The following NSG2 variants were observed in gnomAD, a reference collection of about 807,000 sequenced individuals.
The protein encoded by NSG2 is neuronal vesicle trafficking-associated protein 2.
A neutral mutation model predicts 16.9 loss-of-function variants in NSG2; 4 were observed. That is an observed-to-expected ratio of 0.24 (90% CI 0.12 to 0.54). The LOEUF (loss-of-function observed/expected upper bound fraction) is 0.54, where lower values mean the gene tolerates loss of function less well. NSG2 is among the 20% of genes least tolerant of loss of function. The pLI, the probability that NSG2 is intolerant of heterozygous loss-of-function variation, is 0.95. For missense variants in NSG2, 179 were observed against 221.1 expected (o/e 0.81, Z 1.21); for synonymous variants, 98 against 88.7 (o/e 1.11, Z -0.59).
intron 2 of NSG2, among the ~76,000 whole-genome samples, chr5:174,049,391 G>A (rs1390651418): frequency 6.6e-6 from 1 of 152,012 alleles, no homozygotes; most frequent in Non-Finnish European, 1.5e-5. Flanking sequence ...AGAGAATAGC[G>A]TCACCATTTT....
In NSG2 at chr5:174,092,579, T is replaced by A. The variant is rs532888011; in HGVS notation, c.214-11649T>A. 2.6e-5 allele frequency among the ~76,000 whole-genome samples: 4 copies of A among 152,352 alleles called. No homozygotes were observed. The East Asian group carries it at 7.7e-4, about 29-fold the overall frequency. On this transcript the variant is annotated intron_variant, in intron 3 of 4. Coordinates refer to ENST00000303177, the MANE Select transcript of NSG2 (RefSeq NM_015980.5). ...CAGTGGCTTCGTGCTGAGGCGATAG[T>A]CGAACCAAATTCATAAATCCTGCAT...
chr5:174,069,150 G>A (rs1349706220), intron 3 of NSG2, among the ~76,000 whole-genome samples: 1 of 151,764 alleles, frequency 6.6e-6, no homozygotes, highest in African/African-American at 2.4e-5. Context: ...TGGTGTGATG[G>A]TGATCTTGCT....
intron 2 of NSG2, among the ~76,000 whole-genome samples, chr5:174,054,974 T>G (rs2113423079): frequency 6.6e-6 from 1 of 152,356 alleles, no homozygotes; most frequent in East Asian, 1.9e-4. Context: ...AGCAAATGTT[T>G]ATCATAGTGT....
At chr5:174,050,409 T>G (rs1415103129) in intron 2 of NSG2, among the ~76,000 whole-genome samples, 1 of 152,166 alleles carries the variant, frequency 6.6e-6, no homozygotes, top group Non-Finnish European at 1.5e-5. Context: ...GGGAGGGGAC[T>G]ATGCAGGGCA....
At chr5:174,060,373 A>T (rs969358052) in intron 2 of NSG2, among the ~76,000 whole-genome samples, 2 of 147,854 alleles carry the variant, frequency 1.4e-5, no homozygotes, top group South Asian at 2.1e-4. Context: ...ACTTCTTAAT[A>T]TTTTTTTTTT....
intron 2 of NSG2, among the ~76,000 whole-genome samples, chr5:174,051,209 G>A (rs1033746660): frequency 5.3e-5 from 8 of 152,122 alleles, no homozygotes; most frequent in African/African-American, 1.9e-4. Flanking sequence ...CAGGAATGGT[G>A]CTAAATATCC....
rs370205703 is a variant in NSG2, at chr5:174,097,540, T to G, written c.214-6688T>G. ...GTCTCTGTATGTGTGTAACTATATG[T>G]GTGTGTCTGTATGTCTCTGTGTGTG... On this transcript the variant is annotated intron_variant, in intron 3 of 4. Transcript: ENST00000303177. Among the ~76,000 whole-genome samples, 7 of 150,464 alleles carry G rather than the reference T, an allele frequency of 4.7e-5. No homozygotes were observed. In the East Asian group the frequency reaches 1.4e-3, roughly 30 times the overall value.
At chr5:174,100,552 C>T (rs538591816) in intron 3 of NSG2, among the ~76,000 whole-genome samples, 6 of 152,244 alleles carry the variant, frequency 3.9e-5, no homozygotes, top group Admixed American at 3.3e-4. Context: ...TCAGCATTTC[C>T]GAGCTCCTCA....
At chr5:174,075,504 T>C (rs1760323786) in intron 3 of NSG2, among the ~76,000 whole-genome samples, 1 of 152,232 alleles carries the variant, frequency 6.6e-6, no homozygotes, top group Admixed American at 6.5e-5. Context: ...TAGGTTAATT[T>C]TGCGTTGGCT....
intron 3 of NSG2, among the ~76,000 whole-genome samples, chr5:174,098,418 C>T (rs1231944552): frequency 5.5e-5 from 8 of 144,818 alleles, no homozygotes; most frequent in Admixed American, 5.3e-4. Context: ...TGCTTTCCTT[C>T]CAGCCTCACC....
rs1371267052 is a variant in NSG2, at chr5:174,108,932, C to T, written c.*1427C>T. The stretch of plus-strand genomic sequence containing the variant: ...GCTGGGTAATAAGACTAGCATAGCT[C>T]AAACTATCCTGCCAAACGCTCTCAT... On this transcript the variant is annotated 3_prime_UTR_variant, in exon 5 of 5. Transcript: ENST00000303177. The T allele has an allele frequency of 1.3e-5, 2 of 152,766 alleles. No individual in the cohort carries two copies. The highest frequency in any genetic ancestry group is 4.8e-5 in the African/African-American group (2 of 41,440). 9.5% of individuals were successfully genotyped at this position (152,766 alleles called of 1,614,324 possible). A position where few individuals can be genotyped will look rare whatever the true frequency, so the allele number is the denominator to read the frequency against.
Position 174,072,064 on chromosome 5 carries a change from G to A in NSG2, c.213+7749G>A, listed in dbSNP as rs1288949921. 6.6e-6 allele frequency among the ~76,000 whole-genome samples: 1 copy of A among 152,168 alleles called. No homozygotes were observed. Among genetic ancestry groups the A allele is most frequent in the Non-Finnish European group, 1.5e-5 (1 of 68,014 alleles). On this transcript the variant is annotated intron_variant, in intron 3 of 4. Coordinates refer to ENST00000303177, the MANE Select transcript of NSG2 (RefSeq NM_015980.5). This position sits in a 1 kb window ranked among gnomAD's most constrained non-coding sequence, Gnocchi z 4.0. ...GAAACCAGCCTCCTCAGTGCTGGCC[G>A]CTGCACCTAGCAGCCATAGAGCCAG...
chr5:174,089,542 G>T (rs1264710200), intron 3 of NSG2, among the ~76,000 whole-genome samples: 2 of 152,026 alleles, frequency 1.3e-5, no homozygotes, highest in African/African-American at 4.8e-5. Flanking sequence ...GATACCCCAG[G>T]CTTCTCCGTG....
intron 3 of NSG2, among the ~76,000 whole-genome samples, chr5:174,098,069 A>T (rs190690746): frequency 1.2e-3 from 181 of 152,090 alleles, no homozygotes; most frequent in Non-Finnish European, 2.2e-3. Context: ...ATGGAGGAGG[A>T]ACTGGAGCAG....
Position 174,107,654 on chromosome 5 carries a change from CG to C in NSG2, c.*150del. The C allele has an allele frequency of 1.3e-6, 1 of 795,560 alleles. No homozygotes were observed. The highest frequency in any genetic ancestry group is 2.1e-6 in the Non-Finnish European group (1 of 470,326). 49.3% of individuals were successfully genotyped at this position (795,560 alleles called of 1,614,324 possible). ...GGTGGGGGGAAGAACGCACCAAAAA[CG>C]TGGTGTGTGCTGGAGTTGTCTGAAC... On this transcript the variant is annotated 3_prime_UTR_variant, in exon 5 of 5. Transcript: ENST00000303177. This position sits in a 1 kb window ranked among gnomAD's most constrained non-coding sequence, Gnocchi z 4.5.
intron 3 of NSG2, among the ~76,000 whole-genome samples, chr5:174,076,107 C>A (rs1760336771): frequency 6.6e-6 from 1 of 152,180 alleles, no homozygotes; most frequent in Non-Finnish European, 1.5e-5. Context: ...GGCAAGTCAC[C>A]TCACCTCCAT....
chr5:174,063,743 T>A (rs997988620), intron 2 of NSG2, among the ~76,000 whole-genome samples: 2 of 152,184 alleles, frequency 1.3e-5, no homozygotes, highest in African/African-American at 4.8e-5. Context: ...CCATAACTTG[T>A]TTATATAACC....
chr5:174,051,933 G>T (rs1374846187), intron 2 of NSG2, among the ~76,000 whole-genome samples: 1 of 152,184 alleles, frequency 6.6e-6, no homozygotes, highest in Non-Finnish European at 1.5e-5. Flanking sequence ...TCAAATGGTG[G>T]GGAGAGACTT....
chr5:174,081,859 C>A (rs1399544800), intron 3 of NSG2, among the ~76,000 whole-genome samples: 1 of 137,686 alleles, frequency 7.3e-6, no homozygotes, highest in African/African-American at 2.7e-5. Flanking sequence ...CACTGCACTC[C>A]AGCCTGAGCA....
Sources: allele counts gnomAD v4.1 joint callset (sites outside exome capture counted in the v4.1 genomes callset), GRCh38; gene constraint gnomAD v4.1.1; non-coding constraint Gnocchi (gnomAD v3.1); transcripts MANE v1.5; gene names NCBI Gene and HGNC (gene_info 2026-07-23, HGNC 2026-07-21).